The following KANK1 variants were observed in gnomAD, a reference collection of about 807,000 sequenced individuals.
KANK1 encodes KN motif and ankyrin repeat domains 1, also known as KN motif and ankyrin repeat domain-containing protein 1.
KANK1 carries 109 observed loss-of-function variants against 106.2 expected under a neutral mutation model. The ratio of observed to expected loss-of-function variants is 1.03; its 90% CI spans 0.88 to 1.20. KANK1 has a LOEUF of 1.20. KANK1 is among the 50% of genes most tolerant of loss of function. The pLI is 0.00. For missense variants in KANK1, 2,399 were observed against 1,710.7 expected, an observed-to-expected ratio of 1.40 and a Z score of -7.10; for synonymous variants, 873 against 652.2, an observed-to-expected ratio of 1.34 and a Z score of -5.16.
At chr9:556,678 C>T (rs185513692) in intron 1 of KANK1, among the ~76,000 whole-genome samples, 1 of 37,406 alleles carries the variant, frequency 2.7e-5, no homozygotes. Flanking sequence ...ACTCAAATTG[C>T]TAGCCCCTTT....
At chr9:676,548 G>A (rs1179126738) in intron 1 of KANK1, among the ~76,000 whole-genome samples, 1 of 152,194 alleles carries the variant, frequency 6.6e-6, no homozygotes, top group Non-Finnish European at 1.5e-5. Context: ...AGGAAGATAT[G>A]CTTAAAAACC....
intron 2 of KANK1, among the ~76,000 whole-genome samples, chr9:692,407 C>G (rs1251037680): frequency 6.6e-6 from 1 of 151,808 alleles, no homozygotes; most frequent in Non-Finnish European, 1.5e-5. Flanking sequence ...AACAAAGTTT[C>G]AAGTGCCAGG....
At chr9:612,058 A>G (rs577607399) in intron 1 of KANK1, among the ~76,000 whole-genome samples, 5 of 152,314 alleles carry the variant, frequency 3.3e-5, no homozygotes, top group Admixed American at 3.3e-4. Context: ...TACATATAAA[A>G]GTACATTTAA....
chr9:665,550 G>A (rs368915471), intron 1 of KANK1, among the ~76,000 whole-genome samples: 17 of 152,232 alleles, frequency 1.1e-4, no homozygotes, highest in African/African-American at 3.1e-4. Context: ...TGCCAGTACC[G>A]TGCTGATCTG....
chr9:695,760 C>G (rs1199725007), intron 2 of KANK1, among the ~76,000 whole-genome samples: 2 of 152,116 alleles, frequency 1.3e-5, no homozygotes, highest in Non-Finnish European at 2.9e-5. Context: ...CACACTGATG[C>G]AGGTACTATT....
rs1175822024 is a variant in KANK1 at position 608,031 on chromosome 9, A to ATTTTTTTTT, written c.-83-68857_-83-68856insTTTTTTTTT. Among the ~76,000 whole-genome samples, 31 of 88,092 alleles carry ATTTTTTTTT rather than the reference A, an allele frequency of 3.5e-4. 1 individual carries two copies. The highest frequency in any genetic ancestry group is 1.3e-3 in the African/African-American group (30 of 23,898). 57.8% of individuals were successfully genotyped at this position (88,092 alleles called of 152,430 possible). On this transcript the variant is annotated intron_variant, in intron 1 of 11. Coordinates refer to ENST00000382297, the MANE Select transcript of KANK1 (RefSeq NM_015158.5). ...TTTCAGAATTATTATTATTATTATT[A>ATTTTTTTTT]TTATTTTTTTTTTTTTTGAGACGGA...
intron 2 of KANK1, chr9:706,794 G>A: frequency 2.0e-6 from 2 of 985,474 alleles, no homozygotes; most frequent in Non-Finnish European, 2.4e-6. Context: ...AACCCGCAGA[G>A]AACAGTGGGG....
intron 2 of KANK1, among the ~76,000 whole-genome samples, chr9:698,171 C>G (rs747563158): frequency 1.4e-4 from 21 of 152,192 alleles, no homozygotes; most frequent in Admixed American, 2.0e-4. Context: ...CAGCGTGCTG[C>G]CCGCCTTTCT....
intron 3 of KANK1, among the ~76,000 whole-genome samples, chr9:716,192 G>T (rs1827648374): frequency 1.3e-5 from 2 of 152,224 alleles, no homozygotes; most frequent in Admixed American, 1.3e-4. Flanking sequence ...TTTGGGCTCT[G>T]AAGCTAGACA....
At chr9:478,074 G>A (rs773376208) in intron 3 of KANK1, 19 of 211,670 alleles carry the variant, frequency 9.0e-5, no homozygotes, top group Non-Finnish European at 1.5e-4. Flanking sequence ...AGACTGAGGT[G>A]GTACTTTCTG....
intron 2 of KANK1, among the ~76,000 whole-genome samples, chr9:678,234 C>G (rs1336190395): frequency 6.6e-6 from 1 of 152,110 alleles, no homozygotes; most frequent in Non-Finnish European, 1.5e-5. Context: ...TGCTGTGGGA[C>G]TGCTATCAAT....
intron 2 of KANK1, among the ~76,000 whole-genome samples, chr9:700,597 T>C (rs532509686): frequency 7.9e-5 from 12 of 152,296 alleles, no homozygotes; most frequent in Admixed American, 7.8e-4. Flanking sequence ...AGCAGGATGC[T>C]TACACTCTGG....
upstream of KANK1, among the ~76,000 whole-genome samples, chr9:503,998 G>A (rs1266280537): frequency 6.6e-6 from 1 of 152,182 alleles, no homozygotes; most frequent in Non-Finnish European, 1.5e-5. Flanking sequence ...AATGCACGGA[G>A]GTCACAAGGG....
rs145292905 is a variant in KANK1 at position 611,028 on chromosome 9, A to G, written c.-83-65862A>G. ...ACAGAAGGCATCTTCTGTATCCTTT[A>G]TGTTGTCACTCACTTTATTACTCTG... On this transcript the variant is annotated intron_variant, in intron 1 of 11. Coordinates refer to ENST00000382297, the MANE Select transcript of KANK1 (RefSeq NM_015158.5). 5.3e-5 allele frequency among the ~76,000 whole-genome samples: 8 copies of G among 152,218 alleles called. No homozygotes were observed. In the East Asian group the frequency reaches 1.5e-3, roughly 29 times the overall value.
At chr9:725,989 T>C (rs1010490817) in intron 3 of KANK1, among the ~76,000 whole-genome samples, 6 of 152,180 alleles carry the variant, frequency 3.9e-5, no homozygotes, top group Admixed American at 3.9e-4. Flanking sequence ...AGAAAAAAGT[T>C]ATAGTAGCCT....
In KANK1 at chr9:741,187, T is replaced by C. The variant is rs7027313; in HGVS notation, c.3696+253T>C. 0.15 allele frequency among the ~76,000 whole-genome samples: 22,875 copies of C among 152,230 alleles called. 3,246 individuals are homozygous for C. The highest frequency in any genetic ancestry group is 0.36 in the African/African-American group (15,009 of 41,504). On this transcript the variant is annotated intron_variant, in intron 9 of 11. Coordinates refer to ENST00000382297, the MANE Select transcript of KANK1 (RefSeq NM_015158.5). ...CTTTTGTCCATTTGCATAGTTTGCA[T>C]GGAAATACTGTTAGTTCCCCTACAT...
intron 1 of KANK1, among the ~76,000 whole-genome samples, chr9:651,464 G>A (rs1178062980): frequency 1.3e-5 from 2 of 152,134 alleles, no homozygotes; most frequent in Non-Finnish European, 2.9e-5. Context: ...TGACTTACTG[G>A]CATTTTCCCT....
At chr9:706,891 A>G in intron 2 of KANK1, 2 of 985,490 alleles carry the variant, frequency 2.0e-6, no homozygotes, top group African/African-American at 1.7e-5. Flanking sequence ...TAGTATAGGA[A>G]AAACAGAGCC....
At chr9:708,786 G>A (rs1277600520) in intron 2 of KANK1, among the ~76,000 whole-genome samples, 4 of 152,108 alleles carry the variant, frequency 2.6e-5, no homozygotes, top group Non-Finnish European at 5.9e-5. Context: ...GGAGACTGAT[G>A]GCTTACATTT....
Sources: allele counts gnomAD v4.1 joint callset (sites outside exome capture counted in the v4.1 genomes callset), GRCh38; gene constraint gnomAD v4.1.1; transcripts MANE v1.5; gene names NCBI Gene and HGNC (gene_info 2026-07-23, HGNC 2026-07-21).